The following TBC1D32 variants were observed in gnomAD, a reference collection of about 807,000 sequenced individuals.
The protein encoded by TBC1D32 is protein broad-minded.
TBC1D32 carries 151 observed loss-of-function variants against 170.3 expected under a neutral mutation model. That is an observed-to-expected ratio of 0.89 (90% CI 0.78 to 1.01). The LOEUF is 1.01. TBC1D32 is among the 50% of genes least tolerant of loss of function. TBC1D32 has a pLI of 0.00. For synonymous variants in TBC1D32, 498 were observed against 488.0 expected (o/e 1.02, Z -0.27); for missense variants, 1,464 against 1,457.1 (o/e 1.00, Z -0.08).
chr6:121,231,583 A>AT (rs960302857), intron 20 of TBC1D32, among the ~76,000 whole-genome samples: 37 of 149,746 alleles, frequency 2.5e-4, no homozygotes, highest in African/African-American at 5.6e-4. Context: ...GCCAACATCT[A>AT]TTTTTTTTTC....
chr6:121,324,084 T>A (rs1222791795), intron 1 of TBC1D32, among the ~76,000 whole-genome samples: 1 of 152,200 alleles, frequency 6.6e-6, no homozygotes, highest in Non-Finnish European at 1.5e-5. Context: ...CCTAGTTAAA[T>A]TCATAAGCTA....
intron 30 of TBC1D32, among the ~76,000 whole-genome samples, chr6:121,103,250 T>A (rs932854640): frequency 1.3e-5 from 2 of 151,950 alleles, no homozygotes; most frequent in Admixed American, 6.6e-5. Context: ...ACTGAAAGGA[T>A]TATAAATCAT....
At chr6:121,313,524 C>T (rs1808538478) in intron 3 of TBC1D32, among the ~76,000 whole-genome samples, 1 of 152,044 alleles carries the variant, frequency 6.6e-6, no homozygotes, top group Non-Finnish European at 1.5e-5. Context: ...CATTCCTCTT[C>T]CAAATAATCC....
intron 22 of TBC1D32, chr6:121,163,023 G>A (rs370586484): frequency 4.7e-5 from 2 of 42,344 alleles, no homozygotes; most frequent in African/African-American, 1.4e-4. Flanking sequence ...ACCGGCTTAA[G>A]AAACGGCGCA....
At chr6:121,292,934 C>A (rs1035224548) in intron 11 of TBC1D32, among the ~76,000 whole-genome samples, 2 of 152,054 alleles carry the variant, frequency 1.3e-5, no homozygotes, top group Non-Finnish European at 2.9e-5. Flanking sequence ...GAAGAAAGAA[C>A]ATCTAGGAGG....
At chr6:121,182,149 A>G (rs1292277166) in intron 22 of TBC1D32, among the ~76,000 whole-genome samples, 1 of 152,038 alleles carries the variant, frequency 6.6e-6, no homozygotes, top group Non-Finnish European at 1.5e-5. Flanking sequence ...AGTCAAAATA[A>G]TTGTTACCAT....
intron 1 of TBC1D32, among the ~76,000 whole-genome samples, chr6:121,333,429 T>C (rs1323285706): frequency 1.3e-5 from 2 of 152,214 alleles, no homozygotes; most frequent in Admixed American, 6.5e-5. Flanking sequence ...CTCTGTCTCT[T>C]ATATTTCTGA....
At chr6:121,127,089 T>C (rs1780938141) in intron 25 of TBC1D32, among the ~76,000 whole-genome samples, 1 of 152,174 alleles carries the variant, frequency 6.6e-6, no homozygotes, top group Non-Finnish European at 1.5e-5. Context: ...GTTTTGAGTT[T>C]TTTGTTGTTG....
At chr6:121,294,462 T>C (rs1186610918) in intron 11 of TBC1D32, 108 bp downstream of exon 11, 1 of 716,418 alleles carries the variant, frequency 1.4e-6, no homozygotes, top group African/African-American at 1.8e-5. Context: ...AAAAGTGACC[T>C]AATTTACCAT....
chr6:121,291,968 C>T, intron 12 of TBC1D32, 85 bp downstream of exon 12: 2 of 1,352,304 alleles, frequency 1.5e-6, no homozygotes, highest in Non-Finnish European at 2.0e-6. Context: ...TAGAAAGGAA[C>T]ATGCCAAATT....
At chr6:121,207,619 G>C (rs1416181594) in intron 21 of TBC1D32, among the ~76,000 whole-genome samples, 9 of 152,080 alleles carry the variant, frequency 5.9e-5, no homozygotes, top group Admixed American at 5.9e-4. Context: ...GTCAATAAGG[G>C]AATCAGCTTC....
chr6:121,155,299 C>T (rs1269541418), intron 24 of TBC1D32, among the ~76,000 whole-genome samples: 5 of 151,964 alleles, frequency 3.3e-5, no homozygotes, highest in Admixed American at 6.6e-5. Context: ...CTTGATTTGG[C>T]TTTCAATCTA....
At chr6:121,260,666 T>C (rs1454413055) in intron 15 of TBC1D32, among the ~76,000 whole-genome samples, 1 of 152,278 alleles carries the variant, frequency 6.6e-6, no homozygotes, top group East Asian at 1.9e-4. Flanking sequence ...AAGATCCCAC[T>C]GGTGAGCCCA....
chr6:121,159,404 T>A (rs1583019979), intron 24 of TBC1D32, among the ~76,000 whole-genome samples: 1 of 152,142 alleles, frequency 6.6e-6, no homozygotes, highest in African/African-American at 2.4e-5. Flanking sequence ...TCAAAGACCA[T>A]TACTTTTTTT....
chr6:121,282,574 T>C (rs1803172440), intron 13 of TBC1D32, among the ~76,000 whole-genome samples: 2 of 151,762 alleles, frequency 1.3e-5, no homozygotes, highest in South Asian at 4.1e-4. Flanking sequence ...GAAAGTTCAG[T>C]GATTTTTCAA....
chr6:121,264,974 G>A (rs1800271889), intron 15 of TBC1D32, among the ~76,000 whole-genome samples: 1 of 152,078 alleles, frequency 6.6e-6, no homozygotes, highest in Non-Finnish European at 1.5e-5. Flanking sequence ...ATGGACAAAA[G>A]CTAGAAGCAC....
chr6:121,239,029 A>C, intron 20 of TBC1D32, 41 bp downstream of exon 20: 1 of 1,129,836 alleles, frequency 8.9e-7, no homozygotes, highest in Non-Finnish European at 1.3e-6. Flanking sequence ...TCTGTGAAAT[A>C]CTTTTCAAAT....
chr6:121,277,878 G>GAAA (rs904565622), intron 15 of TBC1D32, among the ~76,000 whole-genome samples: 1 of 136,648 alleles, frequency 7.3e-6, no homozygotes, highest in African/African-American at 2.7e-5. Context: ...GGTTAACTAA[G>GAAA]AAAAAAAAAA....
chr6:121,172,131 G>A (rs1345925536), intron 22 of TBC1D32, among the ~76,000 whole-genome samples: 2 of 152,082 alleles, frequency 1.3e-5, no homozygotes, highest in African/African-American at 2.4e-5. Context: ...ATGCCACCAC[G>A]TAAGATGTGC....
Sources: gnomAD v4.1 joint callset for allele counts (sites outside exome capture counted in the v4.1 genomes callset) on GRCh38, gnomAD v4.1.1 for gene constraint, MANE v1.5 for transcripts, NCBI Gene and HGNC (gene_info 2026-07-23, HGNC 2026-07-21) for gene names.